Variants in PSKH2 observed in about 807,000 individuals in gnomAD.
PSKH2 encodes the protein serine/threonine-protein kinase H2.
In PSKH2, 16 loss-of-function variants were observed where a neutral mutation model predicts 22.5. That is an observed-to-expected ratio of 0.71 (90% CI 0.48 to 1.08). PSKH2 has a LOEUF of 1.08. Ranked by LOEUF, PSKH2 falls within the 50% of genes least tolerant of loss-of-function variation. The pLI is 0.00. For missense variants in PSKH2, 516 were observed against 492.8 expected, an observed-to-expected ratio of 1.05 and a Z score of -0.44; for synonymous variants, 188 against 184.8, an observed-to-expected ratio of 1.02 and a Z score of -0.14.
At chr8:86,056,904 GT>G (rs36014357) in intron 2 of PSKH2, among the ~76,000 whole-genome samples, 81 of 139,926 alleles carry the variant, frequency 5.8e-4, no homozygotes, top group East Asian at 6.4e-4. Flanking sequence ...GGTAGTTGGA[GT>G]TTTTTTTTTT....
chr8:86,058,964 G>A (rs1817741622), intron 2 of PSKH2, among the ~76,000 whole-genome samples: 1 of 151,732 alleles, frequency 6.6e-6, no homozygotes, highest in Non-Finnish European at 1.5e-5. Flanking sequence ...TTTTGAGACA[G>A]GGTCTCACTC....
At chr8:86,053,899 T>A (rs1448681050) in intron 2 of PSKH2, among the ~76,000 whole-genome samples, 5 of 152,096 alleles carry the variant, frequency 3.3e-5, no homozygotes, top group Admixed American at 2.0e-4. Flanking sequence ...TAGCTTAGCA[T>A]GGTGACACGC....
chr8:86,050,358 GCTAT>G (rs1256328516), intron 2 of PSKH2, among the ~76,000 whole-genome samples: 11 of 152,166 alleles, frequency 7.2e-5, no homozygotes, highest in South Asian at 4.1e-4. Context: ...TGGGCTCTAC[GCTAT>G]CTAACACCAA....
At chr8:86,069,670 G>T (rs1326215814), upstream of PSKH2, 1 of 1,461,688 alleles carries the variant, frequency 6.8e-7, no homozygotes, top group Non-Finnish European at 9.0e-7. Context: ...TCGGGAAGCA[G>T]CCAGCCCCGT....
chr8:86,060,933 C>G (rs561193693), intron 2 of PSKH2, among the ~76,000 whole-genome samples: 41 of 152,146 alleles, frequency 2.7e-4, no homozygotes, highest in Non-Finnish European at 4.6e-4. Context: ...TATGCATGCA[C>G]GCACCCTTCT....
Position 86,047,861 on chromosome 8 carries a change from A to T in PSKH2, c.*601T>A, listed in dbSNP as rs1161618352. ...ATTAGAAAAAAATCACTATTTTATG[A>T]TTCTTAAAAATCTCTATTTTTCCCG... On this transcript the variant is annotated 3_prime_UTR_variant, in exon 3 of 3. Transcript: ENST00000276616. 1.3e-5 allele frequency among the ~76,000 whole-genome samples: 2 copies of T among 152,102 alleles called. No homozygotes were observed. The highest frequency in any genetic ancestry group is 2.4e-5 in the African/African-American group (1 of 41,434).
chr8:86,048,908 G>T, intron 2 of PSKH2, 141 bp from the exon 3 acceptor site: 2 of 655,016 alleles, frequency 3.1e-6, no homozygotes, highest in Non-Finnish European at 2.4e-6. Flanking sequence ...TTAATACTGT[G>T]TCATTACATA....
At chr8:86,049,754 A>AGAAAC (rs1554583230) in intron 2 of PSKH2, among the ~76,000 whole-genome samples, 1 of 55,884 alleles carries the variant, frequency 1.8e-5, no homozygotes, top group African/African-American at 6.8e-5. Flanking sequence ...AAGAAACGAA[A>AGAAAC]GAAAGAAAGA....
At chr8:86,064,951 C>T (rs967410426) in intron 1 of PSKH2, among the ~76,000 whole-genome samples, 5 of 152,072 alleles carry the variant, frequency 3.3e-5, no homozygotes, top group Non-Finnish European at 5.9e-5. Flanking sequence ...AATAATATCC[C>T]CCTTTTTCAA....
chr8:86,061,255 C>T (rs942633489), intron 2 of PSKH2, among the ~76,000 whole-genome samples: 1 of 152,182 alleles, frequency 6.6e-6, no homozygotes, highest in Non-Finnish European at 1.5e-5. Context: ...AAATCACTTG[C>T]ACATGAATCC....
At chr8:86,062,418 G>A (rs1429525621) in intron 2 of PSKH2, among the ~76,000 whole-genome samples, 1 of 152,106 alleles carries the variant, frequency 6.6e-6, no homozygotes, top group Non-Finnish European at 1.5e-5. Flanking sequence ...TAAAGTTCTT[G>A]ATATGGTTTG....
chr8:86,053,219 T>C (rs1042021665), intron 2 of PSKH2, among the ~76,000 whole-genome samples: 1 of 152,176 alleles, frequency 6.6e-6, no homozygotes, highest in East Asian at 1.9e-4. Context: ...CTTGCTGGAC[T>C]CTTCTCCAGC....
intron 2 of PSKH2, among the ~76,000 whole-genome samples, chr8:86,053,775 C>T (rs1054298572): frequency 1.3e-5 from 2 of 152,136 alleles, no homozygotes; most frequent in African/African-American, 4.8e-5. Flanking sequence ...GGAGTGGTGG[C>T]TCATGCCTGC....
At chr8:86,061,143 C>T (rs1341848675) in intron 2 of PSKH2, among the ~76,000 whole-genome samples, 5 of 152,168 alleles carry the variant, frequency 3.3e-5, no homozygotes, top group Middle Eastern at 3.4e-3. Flanking sequence ...TTAATATCTC[C>T]CCTGCTGAAT....
chr8:86,051,431 CT>C (rs1015150574), intron 2 of PSKH2, among the ~76,000 whole-genome samples: 1 of 152,126 alleles, frequency 6.6e-6, no homozygotes, highest in Admixed American at 6.5e-5. Flanking sequence ...AAGAACTCTT[CT>C]TTTTTTTCCT....
chr8:86,055,857 G>C (rs1273413885), intron 2 of PSKH2, among the ~76,000 whole-genome samples: 1 of 152,150 alleles, frequency 6.6e-6, no homozygotes, highest in Non-Finnish European at 1.5e-5. Context: ...TTCTAAAAGA[G>C]AATATCAGCA....
intron 2 of PSKH2, among the ~76,000 whole-genome samples, chr8:86,062,269 A>T (rs1024927617): frequency 4.6e-5 from 7 of 152,250 alleles, no homozygotes; most frequent in Non-Finnish European, 8.8e-5. Context: ...ATGTGTTCAA[A>T]CATTCTCTCA....
Position 86,064,476 on chromosome 8 carries a change from C to G in PSKH2, c.341G>C (p.Arg114Pro), listed in dbSNP as rs35915498. 3.7e-6 allele frequency: 6 copies of G among 1,614,052 alleles called. No homozygotes were observed. Among genetic ancestry groups the G allele is most frequent in the Non-Finnish European group, 5.1e-6 (6 of 1,180,018 alleles). ...ACVSELSVLR[R>P]VSHRYIVQLM... The stretch of plus-strand genomic sequence containing the variant: ...CTGGACAATGTAACGATGGCTAACC[C>G]GCCGCAGGACGCTCAGCTCAGACAC... The change falls in exon 2 of 3, where the codon CGG becomes CCG. Residue 114 changes from arginine (R) to proline (P), a missense_variant. Arg to Pro is a moderately radical substitution (Grantham distance 103, BLOSUM62 -2). Transcript: ENST00000276616.
chr8:86,068,781 C>T (rs13439162), intron 1 of PSKH2, among the ~76,000 whole-genome samples: 3,315 of 152,190 alleles, frequency 0.022, 116 homozygotes, highest in African/African-American at 0.076. Context: ...ATATTAGAGG[C>T]AAAGCCGTCT....
Sources: allele counts gnomAD v4.1 joint callset (sites outside exome capture counted in the v4.1 genomes callset), GRCh38; gene constraint gnomAD v4.1.1; transcripts MANE v1.5; gene names NCBI Gene and HGNC (gene_info 2026-07-23, HGNC 2026-07-21).